ELOVL6: variants seen among roughly 807,000 people sequenced by gnomAD.
The protein encoded by ELOVL6 is ELOVL fatty acid elongase 6, also known as very long chain fatty acid elongase 6.
Under a neutral mutation model 31.7 loss-of-function variants are expected in ELOVL6, and 8 were observed. The ratio of observed to expected loss-of-function variants is 0.25; its 90% CI spans 0.15 to 0.45. ELOVL6 has a LOEUF of 0.45. Ranked by LOEUF, ELOVL6 falls within the 20% of genes least tolerant of loss-of-function variation. The pLI is 1.00. For synonymous variants in ELOVL6, 101 were observed against 117.7 expected (o/e 0.86, Z 0.92); for missense variants, 126 against 326.4 (o/e 0.39, Z 4.73).
chr4:110,148,481 A>C (rs1439093853), intron 1 of ELOVL6, among the ~76,000 whole-genome samples: 1 of 90,404 alleles, frequency 1.1e-5, no homozygotes, highest in Non-Finnish European at 2.2e-5. Flanking sequence ...GAGGCCCAGA[A>C]GGGGGTTGTG....
At chr4:110,056,968 T>C (rs1755003778) in intron 3 of ELOVL6, among the ~76,000 whole-genome samples, 1 of 152,180 alleles carries the variant, frequency 6.6e-6, no homozygotes, top group African/African-American at 2.4e-5. Context: ...GATGAAAATA[T>C]GAATACCTCT....
intron 1 of ELOVL6, among the ~76,000 whole-genome samples, chr4:110,182,302 A>G (rs1235427169): frequency 2.6e-5 from 4 of 152,240 alleles, no homozygotes; most frequent in Non-Finnish European, 5.9e-5. Flanking sequence ...TTATTGTGAC[A>G]TCAACAATAT....
chr4:110,139,129 T>C (rs1041576682), intron 1 of ELOVL6, among the ~76,000 whole-genome samples: 1 of 152,238 alleles, frequency 6.6e-6, no homozygotes, highest in East Asian at 1.9e-4. Flanking sequence ...AGCATGTTTG[T>C]GGGTATATGT....
intron 1 of ELOVL6, among the ~76,000 whole-genome samples, chr4:110,107,529 ATTATTTC>A (rs1756921830): frequency 6.6e-6 from 1 of 152,224 alleles, no homozygotes; most frequent in Non-Finnish European, 1.5e-5. Flanking sequence ...AAAGACATTG[ATTATTTC>A]TATACTTCAG....
In ELOVL6 at chr4:110,198,345, T is replaced by G. The variant is rs1353943341; in HGVS notation, c.-10A>C. 2 of 1,537,222 alleles carry G rather than the reference T, an allele frequency of 1.3e-6. No individual in the cohort carries two copies. Among genetic ancestry groups the G allele is most frequent in the Non-Finnish European group, 1.8e-6 (2 of 1,111,120 alleles). On this transcript the variant is annotated 5_prime_UTR_variant, in exon 1 of 4. Transcript: ENST00000302274. ...ACACTGACATGTTCATTGGGGCTGA[T>G]CTTCGGAGTCGCTACGTGTTCTCTA...
At chr4:110,137,837 C>T (rs1757851922) in intron 1 of ELOVL6, among the ~76,000 whole-genome samples, 1 of 152,176 alleles carries the variant, frequency 6.6e-6, no homozygotes, top group South Asian at 2.1e-4. Context: ...AATTTCAAAA[C>T]AACAGAACTG....
At chr4:110,122,948 T>G (rs968081216) in intron 1 of ELOVL6, among the ~76,000 whole-genome samples, 1 of 152,202 alleles carries the variant, frequency 6.6e-6, no homozygotes, top group Non-Finnish European at 1.5e-5. Context: ...ATCACCACTG[T>G]GCTTTCTATA....
chr4:110,101,587 C>T (rs775242005), intron 2 of ELOVL6, among the ~76,000 whole-genome samples: 9 of 152,180 alleles, frequency 5.9e-5, no homozygotes, highest in Non-Finnish European at 8.8e-5. Flanking sequence ...CTGAATAACA[C>T]ATCACAAATT....
intron 2 of ELOVL6, among the ~76,000 whole-genome samples, chr4:110,077,227 C>A (rs1359490630): frequency 1.3e-5 from 2 of 152,216 alleles, no homozygotes; most frequent in African/African-American, 2.4e-5. Flanking sequence ...TGTCTGACAG[C>A]TTTGAAGAGA....
chr4:110,051,289 T>C lies in ELOVL6; in HGVS notation c.*49A>G. ...TCCTTGTGCCATTTTCTTTTGTCTA[T>C]TATTTTTCTTGATGACCCTGAGCTA... On this transcript the variant is annotated 3_prime_UTR_variant, in exon 4 of 4. Coordinates refer to ENST00000302274, the MANE Select transcript of ELOVL6 (RefSeq NM_024090.3). The surrounding 1 kb of genome is among the most constrained non-coding windows in gnomAD (Gnocchi z 4.8). 1.9e-6 allele frequency: 3 copies of C among 1,563,910 alleles called. No individual in the cohort carries two copies. Among genetic ancestry groups the C allele is most frequent in the Non-Finnish European group, 2.6e-6 (3 of 1,150,722 alleles).
At chr4:110,148,233 C>G in intron 1 of ELOVL6, among the ~76,000 whole-genome samples, 1 of 151,456 alleles carries the variant, frequency 6.6e-6, no homozygotes, top group Non-Finnish European at 1.5e-5. Flanking sequence ...TTCAAAATCA[C>G]TAGTCATCAG....
At chr4:110,176,166 ATTTATTTATTTT>A (rs1410795267) in intron 1 of ELOVL6, among the ~76,000 whole-genome samples, 1 of 151,426 alleles carries the variant, frequency 6.6e-6, no homozygotes, top group African/African-American at 2.4e-5. Flanking sequence ...TTATTTATTT[ATTTATTTATTTT>A]TTGAGATGGA....
At chr4:110,062,054 G>GA (rs1225584889) in intron 2 of ELOVL6, among the ~76,000 whole-genome samples, 2 of 151,924 alleles carry the variant, frequency 1.3e-5, no homozygotes, top group East Asian at 1.9e-4. Context: ...ATGATGGAGT[G>GA]AAAAAAAATC....
chr4:110,057,083 T>A (rs1257980814), intron 3 of ELOVL6, among the ~76,000 whole-genome samples: 1 of 152,176 alleles, frequency 6.6e-6, no homozygotes, highest in Non-Finnish European at 1.5e-5. Context: ...ACAGATAGCT[T>A]GAGGTGGCAT....
intron 1 of ELOVL6, among the ~76,000 whole-genome samples, chr4:110,158,942 T>G (rs936044742): frequency 6.6e-6 from 1 of 152,092 alleles, no homozygotes; most frequent in Admixed American, 6.6e-5. Context: ...ATTACAGGCA[T>G]GAGCCACCGT....
At chr4:110,146,054 C>T (rs1758100805) in intron 1 of ELOVL6, among the ~76,000 whole-genome samples, 1 of 152,014 alleles carries the variant, frequency 6.6e-6, no homozygotes, top group Non-Finnish European at 1.5e-5. Context: ...GCAATAGCAG[C>T]AAAAAGAACA....
chr4:110,077,600 G>T (rs757605528), intron 2 of ELOVL6, among the ~76,000 whole-genome samples: 1 of 152,042 alleles, frequency 6.6e-6, no homozygotes, highest in East Asian at 1.9e-4. Flanking sequence ...TGTCACCATC[G>T]TCAAAGACCA....
chr4:110,056,123 G>GGGC (rs1553953500), intron 3 of ELOVL6, among the ~76,000 whole-genome samples: 23 of 60,484 alleles, frequency 3.8e-4, no homozygotes, highest in Admixed American at 2.5e-3. Flanking sequence ...TGTGGGAGCT[G>GGGC]GGGGGGGGGA....
chr4:110,116,951 G>A (rs1254615575), intron 1 of ELOVL6, among the ~76,000 whole-genome samples: 1 of 152,034 alleles, frequency 6.6e-6, no homozygotes, highest in African/African-American at 2.4e-5. Context: ...TTCACCATCT[G>A]TTCTTTTTTC....
Sources: allele counts gnomAD v4.1 joint callset (sites outside exome capture counted in the v4.1 genomes callset), GRCh38; gene constraint gnomAD v4.1.1; non-coding constraint Gnocchi (gnomAD v3.1); transcripts MANE v1.5; gene names NCBI Gene and HGNC (gene_info 2026-07-23, HGNC 2026-07-21).